The following ZNRF2 variants were observed in gnomAD, a reference collection of about 807,000 sequenced individuals.
The protein encoded by ZNRF2 is E3 ubiquitin-protein ligase ZNRF2.
A neutral mutation model predicts 20.4 loss-of-function variants in ZNRF2; 16 were observed. The observed-to-expected ratio is 0.79, with a 90% CI of 0.53 to 1.19. The LOEUF is 1.19. Ranked by LOEUF, ZNRF2 falls within the 50% of genes most tolerant of loss-of-function variation. ZNRF2 has a pLI of 0.00. For missense variants in ZNRF2, 363 were observed against 332.4 expected, an observed-to-expected ratio of 1.09 and a Z score of -0.72; for synonymous variants, 178 against 144.9, an observed-to-expected ratio of 1.23 and a Z score of -1.64.
In ZNRF2 at chr7:30,309,728, C is replaced by T. The variant is rs531075027; in HGVS notation, c.470-13914C>T. 2.6e-5 allele frequency among the ~76,000 whole-genome samples: 4 copies of T among 152,044 alleles called. No homozygotes were observed. In the South Asian group the frequency reaches 8.3e-4, roughly 32 times the overall value. On this transcript the variant is annotated intron_variant, in intron 1 of 4. Transcript: ENST00000323037. ...GTTATTAAGCAGTACAGAAAGGTAC[C>T]CGGTAATTTTTGTTTTGCATTGTTG...
At chr7:30,336,436 G>T (rs868776179) in intron 2 of ZNRF2, among the ~76,000 whole-genome samples, 1 of 151,982 alleles carries the variant, frequency 6.6e-6, no homozygotes, top group African/African-American at 2.4e-5. Context: ...CTCCGTCTTG[G>T]GGGGAACTAT....
chr7:30,311,691 A>G (rs1361663915), intron 1 of ZNRF2, among the ~76,000 whole-genome samples: 1 of 152,194 alleles, frequency 6.6e-6, no homozygotes. Flanking sequence ...CCAGCCCTTC[A>G]GTTCTGAATT....
At chr7:30,303,526 C>T (rs1208506234) in intron 1 of ZNRF2, among the ~76,000 whole-genome samples, 3 of 152,104 alleles carry the variant, frequency 2.0e-5, no homozygotes, top group Admixed American at 1.3e-4. Context: ...TGTCTACTCA[C>T]CCTTTGTTTT....
At chr7:30,334,106 C>T (rs1393030986) in intron 2 of ZNRF2, among the ~76,000 whole-genome samples, 1 of 151,594 alleles carries the variant, frequency 6.6e-6, no homozygotes, top group African/African-American at 2.4e-5. Flanking sequence ...AGTTTTTTTC[C>T]TAGGATTTTT....
intron 1 of ZNRF2, among the ~76,000 whole-genome samples, chr7:30,321,211 G>A (rs980996143): frequency 2.6e-5 from 4 of 152,050 alleles, no homozygotes; most frequent in African/African-American, 9.7e-5. Flanking sequence ...ATGGATTGGG[G>A]ACCTCGGGAT....
At chr7:30,300,134 A>G (rs1163554302) in intron 1 of ZNRF2, among the ~76,000 whole-genome samples, 1 of 148,456 alleles carries the variant, frequency 6.7e-6, no homozygotes, top group Non-Finnish European at 1.5e-5. Flanking sequence ...TCATGGGAAA[A>G]CATGAATACA....
intron 2 of ZNRF2, among the ~76,000 whole-genome samples, chr7:30,328,614 A>AT (rs1799589074): frequency 6.6e-6 from 1 of 152,210 alleles, no homozygotes; most frequent in Non-Finnish European, 1.5e-5. Context: ...TAAGTTGATG[A>AT]TTTAGAGTTT....
At chr7:30,351,236 T>G (rs1054960975) in intron 2 of ZNRF2, among the ~76,000 whole-genome samples, 12 of 151,994 alleles carry the variant, frequency 7.9e-5, no homozygotes, top group Non-Finnish European at 1.2e-4. Flanking sequence ...AAATGTATAT[T>G]CATTACCTAT....
At chr7:30,321,503 G>A (rs925951050) in intron 1 of ZNRF2, among the ~76,000 whole-genome samples, 6 of 151,948 alleles carry the variant, frequency 3.9e-5, no homozygotes, top group African/African-American at 1.5e-4. Flanking sequence ...GGAGGAGAGA[G>A]AAACATGTGT....
In ZNRF2 at chr7:30,302,971, A is replaced by G. The variant is rs76166863; in HGVS notation, c.469+17145A>G. ...CAGTAACGGAGCAAGTTTGTAACCT[A>G]TTAAAGTTCTGTAATAAAGAAGTCT... is the stretch of plus-strand genomic sequence containing the variant. On this transcript the variant is annotated intron_variant, in intron 1 of 4. Transcript: ENST00000323037. 8.8e-3 allele frequency among the ~76,000 whole-genome samples: 1,340 copies of G among 152,280 alleles called. 23 individuals are homozygous for G. The highest frequency in any genetic ancestry group is 0.03 in the African/African-American group (1,247 of 41,562).
intron 2 of ZNRF2, among the ~76,000 whole-genome samples, chr7:30,354,683 C>T (rs1036649524): frequency 3.3e-5 from 5 of 152,060 alleles, no homozygotes; most frequent in African/African-American, 1.2e-4. Flanking sequence ...CAGTCTTTAC[C>T]GTTTAGCATA....
chr7:30,335,362 A>T (rs944907593), intron 2 of ZNRF2, among the ~76,000 whole-genome samples: 7 of 152,240 alleles, frequency 4.6e-5, no homozygotes, highest in Admixed American at 4.6e-4. Context: ...GCTGTCCTCA[A>T]ACTTTAAAAG....
intron 2 of ZNRF2, among the ~76,000 whole-genome samples, chr7:30,326,601 C>A (rs1799556377): frequency 6.6e-6 from 1 of 152,132 alleles, no homozygotes. Flanking sequence ...TGAACATATG[C>A]ATGCATGTGT....
intron 3 of ZNRF2, 26 bp downstream of exon 3, chr7:30,355,859 G>A (rs753080289): frequency 2.6e-6 from 4 of 1,553,832 alleles, no homozygotes; most frequent in African/African-American, 1.4e-5. Flanking sequence ...TGGTATTAGA[G>A]TAAAAGATTG....
intron 4 of ZNRF2, among the ~76,000 whole-genome samples, chr7:30,365,317 T>C (rs574269197): frequency 6.6e-6 from 1 of 152,196 alleles, no homozygotes; most frequent in African/African-American, 2.4e-5. Flanking sequence ...TTCAACAACA[T>C]TTCCATTTTC....
At chr7:30,287,417 A>G (rs567175677) in intron 1 of ZNRF2, among the ~76,000 whole-genome samples, 1 of 152,180 alleles carries the variant, frequency 6.6e-6, no homozygotes, top group Non-Finnish European at 1.5e-5. Flanking sequence ...AAGCCTTGTC[A>G]AGTTAATAGT....
At chr7:30,305,651 T>C (rs1799188732) in intron 1 of ZNRF2, among the ~76,000 whole-genome samples, 1 of 152,158 alleles carries the variant, frequency 6.6e-6, no homozygotes. Flanking sequence ...TTTTTGTGTG[T>C]ATGATTTAAT....
At chr7:30,289,920 G>T (rs756680847) in intron 1 of ZNRF2, 1 of 533,454 alleles carries the variant, frequency 1.9e-6, no homozygotes, top group Non-Finnish European at 3.9e-6. Context: ...CGCTTTGCCT[G>T]GTGACCAGTA....
intron 2 of ZNRF2, among the ~76,000 whole-genome samples, chr7:30,340,577 AG>A (rs1457131222): frequency 2.0e-5 from 3 of 152,174 alleles, no homozygotes; most frequent in African/African-American, 7.2e-5. Context: ...CTTGCATCCC[AG>A]GGATGAAGCC....
Sources: allele counts gnomAD v4.1 joint callset (sites outside exome capture counted in the v4.1 genomes callset), GRCh38; gene constraint gnomAD v4.1.1; transcripts MANE v1.5; gene names NCBI Gene and HGNC (gene_info 2026-07-23, HGNC 2026-07-21).